The following LCOR variants were observed in gnomAD, a reference collection of about 807,000 sequenced individuals.
LCOR encodes ligand dependent nuclear receptor corepressor, also known as ligand-dependent corepressor.
Under a neutral mutation model 64.4 loss-of-function variants are expected in LCOR, and 14 were observed. The ratio of observed to expected loss-of-function variants is 0.22; its 90% confidence interval spans 0.14 to 0.34. The LOEUF (loss-of-function observed/expected upper bound fraction) is 0.34. Among genes scored for constraint, LCOR ranks in the 10% least tolerant of loss-of-function variants. The pLI is 1.00. For missense variants in LCOR, 1,686 were observed against 1,765.3 expected, an observed-to-expected ratio of 0.96 and a Z score of 0.80; for synonymous variants, 643 against 642.5, an observed-to-expected ratio of 1.00 and a Z score of -0.01.
chr10:96,841,020 T>A (rs920975264), intron 2 of LCOR, among the ~76,000 whole-genome samples: 1 of 152,174 alleles, frequency 6.6e-6, no homozygotes, highest in Non-Finnish European at 1.5e-5. Flanking sequence ...TTTGTGTACC[T>A]GTAGTCCCAG....
intron 4 of LCOR, among the ~76,000 whole-genome samples, chr10:96,918,170 T>G (rs1373834134): frequency 1.3e-5 from 2 of 152,152 alleles, no homozygotes; most frequent in Non-Finnish European, 2.9e-5. Context: ...AGAATCAGAT[T>G]AAAAATAAGA....
intron 2 of LCOR, among the ~76,000 whole-genome samples, chr10:96,846,011 A>C (rs1390319122): frequency 1.3e-5 from 2 of 152,066 alleles, no homozygotes; most frequent in Non-Finnish European, 2.9e-5. Context: ...GTTTGAGACC[A>C]GCCTGGCCAA....
chr10:96,868,462 G>A (rs569953568), intron 2 of LCOR, among the ~76,000 whole-genome samples: 2 of 151,474 alleles, frequency 1.3e-5, no homozygotes, highest in African/African-American at 4.8e-5. Context: ...TTTTAGTAGA[G>A]ACGGGGTTTC....
intron 4 of LCOR, among the ~76,000 whole-genome samples, chr10:96,929,258 T>A (rs368141399): frequency 7.2e-5 from 11 of 152,372 alleles, no homozygotes; most frequent in African/African-American, 2.4e-4. Flanking sequence ...TGAGGCCTTT[T>A]TGTCTACATT....
At chr10:96,876,693 T>G (rs1001975108) in intron 2 of LCOR, among the ~76,000 whole-genome samples, 7 of 151,932 alleles carry the variant, frequency 4.6e-5, no homozygotes, top group Non-Finnish European at 1.0e-4. Context: ...CTCATAGGCT[T>G]TTTTTTTCCT....
At chr10:96,875,706 A>G (rs748786501) in intron 2 of LCOR, among the ~76,000 whole-genome samples, 9 of 152,010 alleles carry the variant, frequency 5.9e-5, no homozygotes, top group Non-Finnish European at 1.3e-4. Context: ...TACAAAAAAT[A>G]TAAGAGTTAG....
At chr10:96,900,865 G>C (rs896086832) in intron 2 of LCOR, among the ~76,000 whole-genome samples, 5 of 147,036 alleles carry the variant, frequency 3.4e-5, no homozygotes, top group African/African-American at 1.3e-4. Flanking sequence ...TGCTTCGTAG[G>C]CTTTTTTTTT....
chr10:96,935,970 C>T (rs1481950726), intron 4 of LCOR, among the ~76,000 whole-genome samples: 1 of 152,242 alleles, frequency 6.6e-6, no homozygotes, highest in Non-Finnish European at 1.5e-5. Flanking sequence ...CCATCATATT[C>T]GTAGCAACAG....
At chr10:96,864,722 T>C (rs2134396934) in intron 2 of LCOR, among the ~76,000 whole-genome samples, 1 of 152,220 alleles carries the variant, frequency 6.6e-6, no homozygotes, top group East Asian at 1.9e-4. Context: ...ACCTTTTCTG[T>C]GTTTAGGTAT....
intron 6 of LCOR, among the ~76,000 whole-genome samples, chr10:96,950,288 C>A (rs748958477): frequency 6.6e-6 from 1 of 152,090 alleles, no homozygotes; most frequent in Non-Finnish European, 1.5e-5. Flanking sequence ...TTGCTTTTAT[C>A]CTTTTCCTGT....
chr10:96,953,356 A>G (rs988113163), intron 7 of LCOR, among the ~76,000 whole-genome samples: 2 of 152,092 alleles, frequency 1.3e-5, no homozygotes, highest in African/African-American at 4.8e-5. Flanking sequence ...GTTCGAGACA[A>G]GCCTGGGCAA....
At chr10:96,838,574 A>G (rs1211376914) in intron 2 of LCOR, among the ~76,000 whole-genome samples, 1 of 152,244 alleles carries the variant, frequency 6.6e-6, no homozygotes, top group Non-Finnish European at 1.5e-5. Flanking sequence ...AATTGGAGTC[A>G]TACAATATAT....
intron 4 of LCOR, among the ~76,000 whole-genome samples, chr10:96,911,216 G>A (rs183553223): frequency 0.01 from 1,505 of 149,652 alleles, 22 homozygotes; most frequent in African/African-American, 0.032. Context: ...TCATGCCTTA[G>A]CCTCCTGAGT....
chr10:96,956,685 T>C, intron 7 of LCOR: 1 of 985,910 alleles, frequency 1.0e-6, no homozygotes. Context: ...AAGGGTAGAA[T>C]TTGGTCTCAC....
intron 2 of LCOR, among the ~76,000 whole-genome samples, chr10:96,892,548 A>T (rs952159325): frequency 1.3e-5 from 2 of 152,042 alleles, no homozygotes; most frequent in African/African-American, 4.8e-5. Flanking sequence ...AGGATGAGGG[A>T]TCTCTCTTGG....
At chr10:96,965,661 CAAAAA>C (rs755222216) in intron 7 of LCOR, among the ~76,000 whole-genome samples, 2 of 65,298 alleles carry the variant, frequency 3.1e-5, no homozygotes, top group Non-Finnish European at 6.5e-5. Flanking sequence ...GACTCTGTCT[CAAAAA>C]AAAAAAAAAA....
rs370755611 is a variant in LCOR, at chr10:96,898,685, G to A, written c.-329-8580G>A. ...GATATTGGCCTTTGCAGTTTGGAAC[G>A]AATTAGCTGCTTTGATTTTCAGGGT... is the stretch of plus-strand genomic sequence containing the variant. On this transcript the variant is annotated intron_variant, in intron 2 of 7. Transcript: ENST00000421806. 1.5e-3 allele frequency among the ~76,000 whole-genome samples: 231 copies of A among 152,302 alleles called. 1 individual carries two copies. The highest frequency in any genetic ancestry group is 4.4e-3 in the African/African-American group (182 of 41,574).
At position 96,981,765 on chromosome 10, in the gene LCOR, G is replaced by T. The variant is rs752106513; in HGVS notation, c.1305G>T (p.Ala435=). 4 of 1,614,004 alleles carry T rather than the reference G, an allele frequency of 2.5e-6. No individual in the cohort carries two copies. Among genetic ancestry groups the T allele is most frequent in the Admixed American group, 1.7e-5 (1 of 59,988 alleles). Residue 435 remains alanine (A), a synonymous_variant, in exon 8 of 8, where the codon GCG becomes GCT. Transcript: ENST00000421806. The part of the protein sequence containing the change: ...GPGPMPAVHK[A]ANGHSRTKMI... ...GCCCTATGCCAGCTGTACACAAAGC[G>T]GCAAATGGACACTCAAGAACCAAGA...
At chr10:96,891,536 T>C (rs1165517392) in intron 2 of LCOR, among the ~76,000 whole-genome samples, 3 of 33,026 alleles carry the variant, frequency 9.1e-5, no homozygotes, top group Non-Finnish European at 1.7e-4. Flanking sequence ...GACTCTTTTT[T>C]TTTTTTTTTT....
Sources: allele counts gnomAD v4.1 joint callset (sites outside exome capture counted in the v4.1 genomes callset), GRCh38; gene constraint gnomAD v4.1.1; transcripts MANE v1.5; gene names NCBI Gene and HGNC (gene_info 2026-07-23, HGNC 2026-07-21).